The following CHPF2 variants were observed in gnomAD, a reference collection of about 807,000 sequenced individuals.
The protein encoded by CHPF2 is chondroitin polymerizing factor 2, non-catalytic subunit.
A neutral mutation model predicts 63.0 loss-of-function variants in CHPF2; 58 were observed. The observed-to-expected ratio is 0.92, with a 90% CI of 0.75 to 1.15. The LOEUF is 1.15. Among genes scored for constraint, CHPF2 ranks in the 50% most tolerant of loss-of-function variants. CHPF2 has a pLI of 0.00. For missense variants in CHPF2, 1,045 were observed against 1,035.4 expected, an observed-to-expected ratio of 1.01 and a Z score of -0.13; for synonymous variants, 442 against 438.0, an observed-to-expected ratio of 1.01 and a Z score of -0.11.
intron 3 of CHPF2, 148 bp downstream of exon 3, chr7:151,236,738 C>T: frequency 1.3e-6 from 1 of 759,700 alleles, no homozygotes; most frequent in East Asian, 2.7e-5. Flanking sequence ...GCCGACCATA[C>T]TTAAATTTAA....
In CHPF2 at chr7:151,233,421, G is replaced by C. The variant is rs1410828767; in HGVS notation, c.-591G>C. On this transcript the variant is annotated 5_prime_UTR_variant, in exon 1 of 4. Transcript: ENST00000035307. ...TCAAACACGGGGAGCAGAGTAGAAA[G>C]AGGCTCTGGCCCCTTCCCTTGTGCC... 17 of 985,642 alleles carry C rather than the reference G, an allele frequency of 1.7e-5. No individual in the cohort carries two copies. Among genetic ancestry groups the C allele is most frequent in the Non-Finnish European group, 1.9e-5 (16 of 830,172 alleles). 61.1% of individuals were successfully genotyped at this position (985,642 alleles called of 1,614,324 possible).
At chr7:151,237,233 A>G in intron 3 of CHPF2, 141 bp from the exon 4 acceptor site, 3 of 625,760 alleles carry the variant, frequency 4.8e-6, no homozygotes, top group African/African-American at 1.8e-5. Flanking sequence ...CAAGGGATTC[A>G]GTGATTAGCA....
At position 151,237,433 on chromosome 7, in the gene CHPF2, C is replaced by T. The variant is rs755454300; in HGVS notation, c.1071C>T (p.Pro357=). 7.3e-5 allele frequency: 118 copies of T among 1,612,556 alleles called. No homozygotes were observed. The highest frequency in any genetic ancestry group is 1.5e-4 in the South Asian group (14 of 91,074). The change falls in exon 4 of 4, where the codon CCC becomes CCT. Residue 357 remains proline, a synonymous_variant. Coordinates refer to ENST00000035307, the MANE Select transcript of CHPF2 (RefSeq NM_019015.3). ...TPEGEAGLSW[P]VGLPAPFTPH... The stretch of plus-strand genomic sequence containing the variant: ...AAGGGGAGGCAGGGCTGAGCTGGCC[C>T]GTTGGGCTCCCTGCTCCTTTCACAC...
In CHPF2 at chr7:151,232,764, G is replaced by A; in HGVS notation, c.-1248G>A. 3 of 1,508,076 alleles carry A rather than the reference G, an allele frequency of 2.0e-6. No individual in the cohort carries two copies. Among genetic ancestry groups the A allele is most frequent in the Non-Finnish European group, 2.6e-6 (3 of 1,134,736 alleles). The allele number at this position is 1,508,076 out of a possible 1,614,324, so 93.4% of individuals were successfully genotyped here. On this transcript the variant is annotated 5_prime_UTR_variant, in exon 1 of 4. Transcript: ENST00000035307. Reference sequence around the variant, plus strand: ...CTCCTGGTCCTGCGCTCGCGGCCTCGATGCTGTCTCTGGCGCGGCCTCCGC... The same window carrying A: ...CTCCTGGTCCTGCGCTCGCGGCCTCAATGCTGTCTCTGGCGCGGCCTCCGC...
At position 151,237,608 on chromosome 7, in the gene CHPF2, C is replaced by A. The variant is rs375493278; in HGVS notation, c.1246C>A (p.Arg416=). The change falls in exon 4 of 4, where the codon CGG becomes AGG. Residue 416 remains arginine (R), a synonymous_variant. Coordinates refer to ENST00000035307, the MANE Select transcript of CHPF2 (RefSeq NM_019015.3). The stretch of plus-strand genomic sequence containing the variant: ...GGAGACTGCCCTGGAGCAGCTCAAT[C>A]GGCGCTATCAGCCCCGCCTGCGCTT... The part of the protein sequence containing the change: ...ALETALEQLN[R]RYQPRLRFQK... The A allele has an allele frequency of 1.9e-6, 3 of 1,613,068 alleles. No individual in the cohort carries two copies. Among genetic ancestry groups the A allele is most frequent in the African/African-American group, 2.7e-5 (2 of 74,948 alleles).
chr7:151,234,567 C>T (rs1034645998), intron 1 of CHPF2, among the ~76,000 whole-genome samples: 5 of 152,198 alleles, frequency 3.3e-5, no homozygotes, highest in Admixed American at 1.3e-4. Context: ...TATTGGCTCA[C>T]TGCAATCTCT....
In CHPF2 at chr7:151,235,460, G is replaced by C; in HGVS notation, c.676G>C (p.Gly226Arg). The change falls in exon 2 of 4, where the codon GGC (glycine) becomes CGC (arginine). Residue 226 changes from glycine to arginine, a missense_variant. Transcript: ENST00000035307. ...CGAGCAGGCCCGGTACTGTCATGGGGGCTTTGGCTACCTGTTGTCACGGAG... is the reference window on the plus strand; with the variant it reads ...CGAGCAGGCCCGGTACTGTCATGGGCGCTTTGGCTACCTGTTGTCACGGAG... ...AGEQARYCHGGFGYLLSRSLL... is the reference protein window; with the variant it reads ...AGEQARYCHGRFGYLLSRSLL... The C allele has an allele frequency of 6.2e-7, 1 of 1,611,958 alleles. No homozygotes were observed. Among genetic ancestry groups the C allele is most frequent in the Non-Finnish European group, 8.5e-7 (1 of 1,180,024 alleles).
Position 151,232,964 on chromosome 7 carries a change from C to T in CHPF2, c.-1048C>T, listed in dbSNP as rs1802515473. 2.2e-6 allele frequency: 3 copies of T among 1,337,016 alleles called. No individual in the cohort carries two copies. Among genetic ancestry groups the T allele is most frequent in the Admixed American group, 4.0e-5 (1 of 24,906 alleles). The allele number at this position is 1,337,016 out of a possible 1,614,324, so 82.8% of individuals were successfully genotyped here. On this transcript the variant is annotated 5_prime_UTR_variant, in exon 1 of 4. Coordinates refer to ENST00000035307, the MANE Select transcript of CHPF2 (RefSeq NM_019015.3). The stretch of plus-strand genomic sequence containing the variant: ...ACGGCGAAGACTCGCGTCGGGTCTT[C>T]GTTCTAGGGCTAGACTTGGTCTCTG...
At position 151,238,230 on chromosome 7, in the gene CHPF2, T is replaced by C. The variant is rs752365531; in HGVS notation, c.1868T>C (p.Phe623Ser). 14 of 1,612,784 alleles carry C rather than the reference T, an allele frequency of 8.7e-6. No homozygotes were observed. The highest frequency in any genetic ancestry group is 1.2e-5 in the Non-Finnish European group (14 of 1,179,990). Residue 623 changes from phenylalanine (F) to serine (S), a missense_variant, in exon 4 of 4, where the codon TTC (phenylalanine) becomes TCC (serine). Transcript: ENST00000035307. ...TGGCAGGCCTTCTTTCCAGTCCATT[T>C]CCAGGAGTTCAATCCTGCCCTGTCA... ...SGWQAFFPVH[F>S]QEFNPALSPQ...
In CHPF2 at chr7:151,238,000, G is replaced by C. The variant is rs565529226; in HGVS notation, c.1638G>C (p.Lys546Asn). 9.9e-6 allele frequency: 16 copies of C among 1,613,134 alleles called. No homozygotes were observed. The South Asian group carries it at 1.6e-4, about 17-fold the overall frequency. ...RGAPDPFLGV[K>N]AAAAELERRY... is the part of the protein sequence containing the mutation. ...CTCCAGACCCATTTCTTGGGGTGAA[G>C]GCTGCAGCAGCGGAGTTAGAGCGAC... Residue 546 changes from lysine to asparagine, a missense_variant, in exon 4 of 4, where the codon AAG (lysine) becomes AAC (asparagine). Transcript: ENST00000035307.
chr7:151,238,738 G>A lies in CHPF2; in HGVS notation c.*57G>A, dbSNP rs1283309655. 6.2e-7 allele frequency: 1 copy of A among 1,600,946 alleles called. No homozygotes were observed. ...CCTTTGTCTGCCTCAGCCCCAGGAA[G>A]GGCAAGGCAAGATGGTGGACAGATA... On this transcript the variant is annotated 3_prime_UTR_variant, in exon 4 of 4. Coordinates refer to ENST00000035307, the MANE Select transcript of CHPF2 (RefSeq NM_019015.3).
rs3748098 is a variant in CHPF2, at chr7:151,238,344, G to T, written c.1982G>T (p.Gly661Val). 207 of 1,609,256 alleles carry T rather than the reference G, an allele frequency of 1.3e-4. 3 individuals carry two copies. In the South Asian group the frequency reaches 1.7e-3, roughly 13 times the overall value. ...GADPSRGAPI[G>V]GRFDRQASAE... ...GACCCCTCCCGGGGGGCTCCTATAG[G>T]GGGGAGATTTGACCGGCAGGCTTCT... The change falls in exon 4 of 4, where the codon GGG becomes GTG. Residue 661 changes from glycine to valine, a missense_variant. Gly to Val is a moderately radical substitution (Grantham distance 109, BLOSUM62 -3). Coordinates refer to ENST00000035307, the MANE Select transcript of CHPF2 (RefSeq NM_019015.3).
Position 151,232,595 on chromosome 7 carries a change from C to A in CHPF2, c.-1417C>A. On this transcript the variant is annotated 5_prime_UTR_variant, in exon 1 of 4. Coordinates refer to ENST00000035307, the MANE Select transcript of CHPF2 (RefSeq NM_019015.3). Reference sequence around the variant, plus strand: ...TTCCCCGTCCCTGCTCCCTGCCAGGCGCGTGCGGGACGCCGCTCTTGGTCC... The same window carrying A: ...TTCCCCGTCCCTGCTCCCTGCCAGGAGCGTGCGGGACGCCGCTCTTGGTCC... 1 of 610,866 alleles carries A rather than the reference C, an allele frequency of 1.6e-6. No homozygotes were observed. The highest frequency in any genetic ancestry group is 2.7e-6 in the Non-Finnish European group (1 of 373,476). 37.8% of individuals were successfully genotyped at this position (610,866 alleles called of 1,614,324 possible).
At position 151,238,298 on chromosome 7, in the gene CHPF2, C is replaced by A. The variant is rs563493546; in HGVS notation, c.1936C>A (p.Pro646Thr). 1 of 1,610,510 alleles carries A rather than the reference C, an allele frequency of 6.2e-7. No individual in the cohort carries two copies. The highest frequency in any genetic ancestry group is 8.5e-7 in the Non-Finnish European group (1 of 1,178,280). The change falls in exon 4 of 4, where the codon CCC (proline) becomes ACC (threonine). Residue 646 changes from proline (P) to threonine (T), a missense_variant. By Grantham distance (38) the Pro-to-Thr change is conservative. Coordinates refer to ENST00000035307, the MANE Select transcript of CHPF2 (RefSeq NM_019015.3). ...PPGPPGAGPD[P>T]PSPPGADPSR... ...AGGGCCCCCGGGGGCTGGCCCTGAC[C>A]CCCCCTCCCCTCCTGGTGCTGACCC... is the stretch of plus-strand genomic sequence containing the variant.
intron 2 of CHPF2, 121 bp downstream of exon 2, chr7:151,235,733 G>T (rs772707891): frequency 7.3e-6 from 7 of 962,734 alleles, no homozygotes; most frequent in Non-Finnish European, 1.1e-5. Flanking sequence ...TGGCCGCTCT[G>T]TGGGCCCTCC....
In CHPF2 at chr7:151,238,515, G is replaced by A. The variant is rs367722805; in HGVS notation, c.2153G>A (p.Arg718Gln). 6.1e-5 allele frequency: 98 copies of A among 1,603,614 alleles called. No individual in the cohort carries two copies. The Middle Eastern group carries it at 6.6e-4, about 11-fold the overall frequency. Reference protein sequence around the residue: ...FLRFSGLHLFRAVEPGLVQKF... With the variant: ...FLRFSGLHLFQAVEPGLVQKF... ...CGGTTCTCAGGGCTCCACCTCTTTC[G>A]GGCCGTAGAGCCAGGGCTGGTGCAG... The change falls in exon 4 of 4, where the codon CGG (arginine) becomes CAG (glutamine). Residue 718 changes from arginine (R) to glutamine (Q), a missense_variant. Coordinates refer to ENST00000035307, the MANE Select transcript of CHPF2 (RefSeq NM_019015.3).
chr7:151,236,301 G>C, intron 2 of CHPF2, 107 bp from the exon 3 acceptor site: 1 of 1,007,812 alleles, frequency 9.9e-7, no homozygotes. Context: ...TCTGTCCTCT[G>C]TTCTAACGCA....
intron 2 of CHPF2, 63 bp downstream of exon 2, chr7:151,235,675 T>C (rs1802621446): frequency 2.1e-6 from 3 of 1,439,832 alleles, no homozygotes; most frequent in Non-Finnish European, 2.9e-6. Context: ...GTGATTGGCC[T>C]TCCTCCCAGC....
At position 151,236,416 on chromosome 7, in the gene CHPF2, G is replaced by A. The variant is rs1802649755; in HGVS notation, c.837G>A (p.Gln279=). ...VGCVSQHQGQ[Q]YRSFELAKNR... ...TCTGATTGTCCCTCTAGGGGCAGCA[G>A]TATCGCTCATTTGAACTGGCCAAAA... is the stretch of plus-strand genomic sequence containing the variant. Residue 279 remains glutamine, a synonymous_variant, in exon 3 of 4, where the codon CAG becomes CAA. Transcript: ENST00000035307. 1.3e-6 allele frequency: 2 copies of A among 1,582,268 alleles called. No individual in the cohort carries two copies. Among genetic ancestry groups the A allele is most frequent in the South Asian group, 1.1e-5 (1 of 88,582 alleles).
Sources: allele counts gnomAD v4.1 joint callset (sites outside exome capture counted in the v4.1 genomes callset), GRCh38; gene constraint gnomAD v4.1.1; transcripts MANE v1.5; gene names NCBI Gene and HGNC (gene_info 2026-07-23, HGNC 2026-07-21).